Variants in VAMP5 observed in about 807,000 individuals in gnomAD.
VAMP5 encodes the protein vesicle associated membrane protein 5, also known as vesicle-associated membrane protein 5.
A neutral mutation model predicts 8.1 loss-of-function variants in VAMP5; 10 were observed. The observed-to-expected ratio is 1.23, with a 90% CI of 0.76 to 2.09. The LOEUF is 2.09. Among genes scored for constraint, VAMP5 ranks in the 30% most tolerant of loss-of-function variants. The probability of loss-of-function intolerance (pLI) is 0.00; values close to 1 mark genes in which losing one functional copy is unlikely to be tolerated. For synonymous variants in VAMP5, 62 were observed against 60.6 expected, an observed-to-expected ratio of 1.02 and a Z score of -0.11; for missense variants, 135 against 152.5, an observed-to-expected ratio of 0.89 and a Z score of 0.60.
intron 2 of VAMP5, among the ~76,000 whole-genome samples, chr2:85,592,083 G>T (rs1317292912): frequency 1.3e-5 from 2 of 152,168 alleles, no homozygotes; most frequent in Non-Finnish European, 2.9e-5. Flanking sequence ...CTTAAAGGTA[G>T]AAAACTGGTA....
chr2:85,587,590 A>T (rs1020652068), intron 1 of VAMP5, among the ~76,000 whole-genome samples: 2 of 152,190 alleles, frequency 1.3e-5, no homozygotes, highest in Non-Finnish European at 2.9e-5. Context: ...CTAAAAAAAA[A>T]AAAAGGAGCT....
In VAMP5 at chr2:85,591,759, CG is replaced by C; in HGVS notation, c.39del (p.Asn14ThrfsTer3). ...GAGTTGGAGCGGTGCCAGCAGCAGG[CG>C]AACGAGGTGACGGAAATTATGCGTA... Reference protein sequence around the residue: ...GIELERCQQQANEVTEIMRNN... With the variant: ...GIELERCQQQXNEVTEIMRNN... On this transcript the variant is annotated frameshift_variant, in exon 2 of 3. Transcript: ENST00000306384. LOFTEE classifies it high-confidence loss of function. 1 of 1,614,066 alleles carries C rather than the reference CG, an allele frequency of 6.2e-7. No individual in the cohort carries two copies. The highest frequency in any genetic ancestry group is 8.5e-7 in the Non-Finnish European group (1 of 1,179,984).
chr2:85,590,375 C>T (rs970989317), intron 1 of VAMP5, among the ~76,000 whole-genome samples: 10 of 152,292 alleles, frequency 6.6e-5, no homozygotes, highest in East Asian at 1.9e-4. Context: ...GCTGGCCTCC[C>T]GGTGGGATGG....
rs1038058285 is a variant in VAMP5 at position 85,593,385 on chromosome 2, T to G, written c.*228T>G. The G allele has an allele frequency of 3.4e-6, 2 of 581,762 alleles. No homozygotes were observed. Among genetic ancestry groups the G allele is most frequent in the Non-Finnish European group, 6.1e-6 (2 of 326,008 alleles). The allele number at this position is 581,762 out of a possible 1,614,324, so 36.0% of individuals were successfully genotyped here. On this transcript the variant is annotated 3_prime_UTR_variant, in exon 3 of 3. Transcript: ENST00000306384. ...CTGGAGCTCAGTAAAAACTGCTGTTTGATTAAAAGCTGGTATCTGTGTGTG... is the reference window on the plus strand; with the variant it reads ...CTGGAGCTCAGTAAAAACTGCTGTTGGATTAAAAGCTGGTATCTGTGTGTG...
intron 1 of VAMP5, among the ~76,000 whole-genome samples, chr2:85,587,578 T>C (rs1442378876): frequency 2.7e-5 from 4 of 149,850 alleles, no homozygotes; most frequent in Non-Finnish European, 5.9e-5. Flanking sequence ...GAGATCTGAC[T>C]GCTAAAAAAA....
At chr2:85,592,887 C>T in intron 2 of VAMP5, 61 bp from the exon 3 acceptor site, 1 of 1,589,828 alleles carries the variant, frequency 6.3e-7, no homozygotes. Flanking sequence ...TTGGGAGGAG[C>T]TGGCTCCCAG....
intron 2 of VAMP5, 111 bp downstream of exon 2, chr2:85,591,973 C>T: frequency 6.6e-7 from 1 of 1,506,660 alleles, no homozygotes; most frequent in Non-Finnish European, 9.0e-7. Context: ...TCTTGAGGGC[C>T]AGTGTGGGGC....
intron 1 of VAMP5, among the ~76,000 whole-genome samples, chr2:85,590,771 T>C (rs1441804073): frequency 1.3e-5 from 2 of 152,162 alleles, no homozygotes; most frequent in East Asian, 1.9e-4. Flanking sequence ...CTCCCTGAAA[T>C]GTCCCTGCTC....
chr2:85,589,079 G>C (rs1672503409), intron 1 of VAMP5, among the ~76,000 whole-genome samples: 1 of 152,156 alleles, frequency 6.6e-6, no homozygotes, highest in South Asian at 2.1e-4. Context: ...GAGCCCAGGA[G>C]TTCAAGACCA....
chr2:85,592,345 C>T (rs1439340175), intron 2 of VAMP5, among the ~76,000 whole-genome samples: 1 of 152,162 alleles, frequency 6.6e-6, no homozygotes, highest in African/African-American at 2.4e-5. Flanking sequence ...GATCCTCCCA[C>T]CTTGGCTTTC....
intron 1 of VAMP5, among the ~76,000 whole-genome samples, chr2:85,590,063 T>C (rs1672517229): frequency 1.3e-5 from 2 of 152,180 alleles, no homozygotes; most frequent in African/African-American, 4.8e-5. Context: ...CAGGAAAAGG[T>C]GAGAGTGCAG....
In VAMP5 at chr2:85,593,220, C is replaced by A; in HGVS notation, c.*63C>A. The A allele has an allele frequency of 6.3e-7, 1 of 1,577,730 alleles. No homozygotes were observed. The highest frequency in any genetic ancestry group is 1.1e-5 in the South Asian group (1 of 88,964). On this transcript the variant is annotated 3_prime_UTR_variant, in exon 3 of 3. Transcript: ENST00000306384. ...TGGCCGATTCTGGTCTCCAGAGGAC[C>A]TTGGTGTTTGCTCTCCCTTGACCCA...
At chr2:85,592,824 A>T in intron 2 of VAMP5, 124 bp from the exon 3 acceptor site, 1 of 887,164 alleles carries the variant, frequency 1.1e-6, no homozygotes, top group Non-Finnish European at 1.8e-6. Flanking sequence ...AAAGAAAGAA[A>T]GTAGACAAGA....
At chr2:85,591,989 G>A (rs559286111) in intron 2 of VAMP5, 127 bp downstream of exon 2, 12 of 1,400,038 alleles carry the variant, frequency 8.6e-6, no homozygotes, top group Non-Finnish European at 1.2e-5. Context: ...GGGGCCTCTG[G>A]GTTTCCTCAG....
chr2:85,592,580 A>T (rs1179726807), intron 2 of VAMP5, among the ~76,000 whole-genome samples: 1 of 152,058 alleles, frequency 6.6e-6, no homozygotes, highest in African/African-American at 2.4e-5. Context: ...AGGTGGGCAG[A>T]TCACAAGGTC....
At position 85,593,133 on chromosome 2, in the gene VAMP5, C is replaced by A; in HGVS notation, c.327C>A (p.Gly109=). ...GTGCCCCACGGACCCAGGATGCAGG[C>A]ATTGCCTCAGGGCCTGGGAACTGAC... ...SSSAPRTQDA[G]IASGPGN The change falls in exon 3 of 3, where the codon GGC becomes GGA. Residue 109 remains glycine (G), a synonymous_variant. Coordinates refer to ENST00000306384, the MANE Select transcript of VAMP5 (RefSeq NM_006634.3). 2 of 1,614,194 alleles carry A rather than the reference C, an allele frequency of 1.2e-6. No individual in the cohort carries two copies. The highest frequency in any genetic ancestry group is 1.7e-6 in the Non-Finnish European group (2 of 1,180,030).
intron 1 of VAMP5, 84 bp downstream of exon 1, chr2:85,584,577 G>A (rs1573348566): frequency 8.1e-7 from 1 of 1,229,880 alleles, no homozygotes; most frequent in East Asian, 3.2e-5. Context: ...CAAAGTCCGC[G>A]GGCTGGGGCC....
intron 1 of VAMP5, among the ~76,000 whole-genome samples, chr2:85,586,812 C>T (rs1672467680): frequency 1.3e-5 from 2 of 152,180 alleles, no homozygotes; most frequent in Non-Finnish European, 2.9e-5. Context: ...TGGCTCACGC[C>T]TGTAATCCCA....
chr2:85,593,399 T>C lies in VAMP5; in HGVS notation c.*242T>C. Reference sequence around the variant, plus strand: ...AAACTGCTGTTTGATTAAAAGCTGGTATCTGTGTGTGAAGGTCCCCAGGTT... The same window carrying C: ...AAACTGCTGTTTGATTAAAAGCTGGCATCTGTGTGTGAAGGTCCCCAGGTT... On this transcript the variant is annotated 3_prime_UTR_variant, in exon 3 of 3. Transcript: ENST00000306384. 1.8e-6 allele frequency: 1 copy of C among 554,448 alleles called. No individual in the cohort carries two copies. Among genetic ancestry groups the C allele is most frequent in the Non-Finnish European group, 3.2e-6 (1 of 307,952 alleles). 34.3% of individuals were successfully genotyped at this position (554,448 alleles called of 1,614,324 possible).
Sources: gnomAD v4.1 joint callset for allele counts (sites outside exome capture counted in the v4.1 genomes callset) on GRCh38, gnomAD v4.1.1 for gene constraint, MANE v1.5 for transcripts, NCBI Gene and HGNC (gene_info 2026-07-23, HGNC 2026-07-21) for gene names.